The following ZNF827 variants were observed in gnomAD, a reference collection of about 807,000 sequenced individuals.
ZNF827 encodes zinc finger protein 827.
In ZNF827, 13 loss-of-function variants were observed where a neutral mutation model predicts 102.4. The observed-to-expected ratio is 0.13, with a 90% CI of 0.08 to 0.20. The LOEUF (loss-of-function observed/expected upper bound fraction) is 0.20, where lower values mean the gene tolerates loss of function less well. Among genes scored for constraint, ZNF827 ranks in the 10% least tolerant of loss-of-function variants. ZNF827 has a pLI of 1.00. For missense variants in ZNF827, 1,103 were observed against 1,344.4 expected (o/e 0.82, Z 2.81); for synonymous variants, 523 against 536.2 (o/e 0.98, Z 0.34).
intron 5 of ZNF827, among the ~76,000 whole-genome samples, chr4:145,866,112 G>A (rs543305765): frequency 1.3e-5 from 2 of 152,220 alleles, no homozygotes; most frequent in South Asian, 4.2e-4. Context: ...CTCTGGCTGC[G>A]GTGGAAAACC....
intron 5 of ZNF827, among the ~76,000 whole-genome samples, chr4:145,861,887 G>T (rs2126719312): frequency 6.6e-6 from 1 of 152,324 alleles, no homozygotes; most frequent in African/African-American, 2.4e-5. Context: ...AACATATGCA[G>T]CTATGCGACA....
intron 5 of ZNF827, among the ~76,000 whole-genome samples, chr4:145,850,833 C>G (rs1278293235): frequency 2.0e-5 from 3 of 152,092 alleles, no homozygotes; most frequent in African/African-American, 7.2e-5. Context: ...TGTGGTCCCC[C>G]AAAAGAAACA....
chr4:145,839,741 T>C (rs1394859495), intron 7 of ZNF827, among the ~76,000 whole-genome samples: 1 of 152,214 alleles, frequency 6.6e-6, no homozygotes, highest in East Asian at 1.9e-4. Context: ...GGGAACACAG[T>C]CTCTGGATGT....
intron 3 of ZNF827, among the ~76,000 whole-genome samples, chr4:145,889,124 A>T (rs910812022): frequency 2.0e-5 from 3 of 152,274 alleles, no homozygotes; most frequent in African/African-American, 7.2e-5. Flanking sequence ...TCAACTTTAT[A>T]TTCCTTTGTT....
intron 3 of ZNF827, among the ~76,000 whole-genome samples, chr4:145,890,044 A>C (rs911033695): frequency 7.9e-5 from 12 of 152,084 alleles, no homozygotes; most frequent in Non-Finnish European, 1.2e-4. Context: ...GTAGCAGAGG[A>C]TATCTACCCA....
At chr4:145,899,870 C>G (rs1400576440) in intron 2 of ZNF827, among the ~76,000 whole-genome samples, 1 of 152,144 alleles carries the variant, frequency 6.6e-6, no homozygotes, top group Non-Finnish European at 1.5e-5. Context: ...CCTCCTCTTT[C>G]AGTTTGAACA....
chr4:145,770,004 A>T (rs963891192), intron 11 of ZNF827, among the ~76,000 whole-genome samples: 1 of 152,106 alleles, frequency 6.6e-6, no homozygotes, highest in Non-Finnish European at 1.5e-5. Flanking sequence ...AAGAATAAAG[A>T]CTCTAGATCC....
intron 4 of ZNF827, among the ~76,000 whole-genome samples, chr4:145,883,022 T>C (rs1407910784): frequency 6.7e-6 from 1 of 149,694 alleles, no homozygotes; most frequent in Non-Finnish European, 1.5e-5. Flanking sequence ...AGAGCAGCTA[T>C]CAAACGTATG....
chr4:145,880,395 G>C (rs1487581627), intron 4 of ZNF827, among the ~76,000 whole-genome samples: 1 of 152,208 alleles, frequency 6.6e-6, no homozygotes, highest in Non-Finnish European at 1.5e-5. Context: ...ATTAAACAAA[G>C]TAAAAATAAT....
intron 7 of ZNF827, among the ~76,000 whole-genome samples, chr4:145,828,196 T>C (rs984939096): frequency 6.6e-5 from 10 of 152,128 alleles, no homozygotes; most frequent in African/African-American, 2.4e-4. Context: ...CTTCAGCCAG[T>C]TACCAACTGT....
chr4:145,761,081 G>T lies in ZNF827; in HGVS notation c.*535C>A, dbSNP rs1173932383. On this transcript the variant is annotated 3_prime_UTR_variant, in exon 15 of 15. Transcript: ENST00000508784. This position sits in a 1 kb window ranked among gnomAD's most constrained non-coding sequence, Gnocchi z 6.8. ...GCCTGGGAGGCAGACATAACTGACA[G>T]GGGAGACAGGAGATTCCGGGAGCTC... The T allele has an allele frequency of 7.8e-7, 1 of 1,289,436 alleles. No individual in the cohort carries two copies. The highest frequency in any genetic ancestry group is 1.0e-6 in the Non-Finnish European group (1 of 988,708). The allele number at this position is 1,289,436 out of a possible 1,614,324, so 79.9% of individuals were successfully genotyped here. A position where few individuals can be genotyped will look rare whatever the true frequency, so the allele number is the denominator to read the frequency against.
chr4:145,937,147 G>A lies in ZNF827; in HGVS notation c.43+1218C>T, dbSNP rs562401998. Among the ~76,000 whole-genome samples the A allele has an allele frequency of 4.6e-5, 7 of 152,248 alleles. No individual in the cohort carries two copies. The East Asian group carries it at 1.4e-3, about 30-fold the overall frequency. On this transcript the variant is annotated intron_variant, in intron 1 of 14. Transcript: ENST00000508784. The stretch of plus-strand genomic sequence containing the variant: ...AAGCGGAGAAAGACTGGGGGGTTGG[G>A]GGGAGCTGGAGAGGGAGTGGGGGAA...
intron 9 of ZNF827, among the ~76,000 whole-genome samples, chr4:145,777,701 T>C (rs1056488814): frequency 5.9e-5 from 9 of 152,204 alleles, no homozygotes; most frequent in African/African-American, 1.7e-4. Context: ...ATCTATTTTA[T>C]GGCCATTTCT....
Position 145,902,653 on chromosome 4 carries a change from G to C in ZNF827, c.606C>G (p.Thr202=). ...NQGKWLPNST[T]TCSLSPDSAI... Reference sequence around the variant, plus strand: ...CTGAATCCGGAGACAAGCTGCAGGTGGTGGTTGAGTTTGGCAACCACTTAC... The same window carrying C: ...CTGAATCCGGAGACAAGCTGCAGGTCGTGGTTGAGTTTGGCAACCACTTAC... The change falls in exon 2 of 15, where the codon ACC becomes ACG. Residue 202 remains threonine, a synonymous_variant. Transcript: ENST00000508784. This position sits in a 1 kb window ranked among gnomAD's most constrained non-coding sequence, Gnocchi z 4.3. 6.2e-7 allele frequency: 1 copy of C among 1,614,016 alleles called. No homozygotes were observed. Among genetic ancestry groups the C allele is most frequent in the East Asian group, 2.2e-5 (1 of 44,892 alleles).
intron 5 of ZNF827, among the ~76,000 whole-genome samples, chr4:145,868,731 C>T (rs1748423702): frequency 6.6e-6 from 1 of 152,194 alleles, no homozygotes; most frequent in South Asian, 2.1e-4. Flanking sequence ...CTACCCAAGT[C>T]TCTTCTGCTT....
intron 8 of ZNF827, among the ~76,000 whole-genome samples, chr4:145,803,058 TCTCC>T (rs1206262835): frequency 6.6e-6 from 1 of 152,134 alleles, no homozygotes; most frequent in East Asian, 1.9e-4. Flanking sequence ...TTCCTTCCTC[TCTCC>T]CTCTCTCCTT....
Position 145,765,405 on chromosome 4 carries a change from A to G in ZNF827, c.3052+142T>C, listed in dbSNP as rs1735135695. 8.9e-7 allele frequency: 1 copy of G among 1,128,226 alleles called. No homozygotes were observed. The highest frequency in any genetic ancestry group is 1.2e-6 in the Non-Finnish European group (1 of 811,900). 69.9% of individuals were successfully genotyped at this position (1,128,226 alleles called of 1,614,324 possible). On this transcript the variant is annotated intron_variant, in intron 12 of 14. Coordinates refer to ENST00000508784, the MANE Select transcript of ZNF827 (RefSeq NM_001306215.2). This position sits in a 1 kb window ranked among gnomAD's most constrained non-coding sequence, Gnocchi z 4.7. ...GGATTCAAATTAAGCCAAAAGAAAT[A>G]CAACCTTTAGGTGAGGCCCAGCATA...
At chr4:145,886,732 A>G (rs1230632489) in intron 3 of ZNF827, among the ~76,000 whole-genome samples, 1 of 148,880 alleles carries the variant, frequency 6.7e-6, no homozygotes, top group Non-Finnish European at 1.5e-5. Context: ...ATTACATACA[A>G]AAAAAAAAAA....
At chr4:145,797,320 T>G (rs193059765) in intron 8 of ZNF827, among the ~76,000 whole-genome samples, 1 of 152,342 alleles carries the variant, frequency 6.6e-6, no homozygotes, top group Admixed American at 6.5e-5. Context: ...ATCTTGCTCT[T>G]AAAGGTAAAC....
Sources: gnomAD v4.1 joint callset for allele counts (sites outside exome capture counted in the v4.1 genomes callset) on GRCh38, gnomAD v4.1.1 for gene constraint, Gnocchi (gnomAD v3.1) non-coding constraint, MANE v1.5 for transcripts, NCBI Gene and HGNC (gene_info 2026-07-23, HGNC 2026-07-21) for gene names.